Variants in OR4Q3 observed in about 807,000 individuals in gnomAD.
OR4Q3 encodes the protein olfactory receptor family 4 subfamily Q member 3, also known as olfactory receptor 4Q3.
In OR4Q3, 17 loss-of-function variants were observed where a neutral mutation model predicts 18.8. That is an observed-to-expected ratio of 0.91 (90% CI 0.62 to 1.36). OR4Q3 has a LOEUF of 1.36. Among genes scored for constraint, OR4Q3 ranks in the 40% most tolerant of loss-of-function variants. The pLI is 0.00. For missense variants in OR4Q3, 378 were observed against 373.4 expected (o/e 1.01, Z -0.10); for synonymous variants, 158 against 145.8 (o/e 1.08, Z -0.60).
At position 19,747,810 on chromosome 14, in the gene OR4Q3, G is replaced by A; in HGVS notation, c.407G>A (p.Cys136Tyr). 7.4e-6 allele frequency: 12 copies of A among 1,614,046 alleles called. No homozygotes were observed. The East Asian group carries it at 2.2e-4, about 30-fold the overall frequency. ...GCCTATGACAGGTATGTTGCCATCT[G>A]TAACCCTTTGCGCTACCTTACAGTC... is the stretch of plus-strand genomic sequence containing the variant. Residue 136 changes from cysteine to tyrosine, a missense_variant, in exon 2 of 2, where the codon TGT (cysteine) becomes TAT (tyrosine). Transcript: ENST00000642117.
chr14:19,749,634 A>AAAAAAAAAAAAAAAAAAAAAAAAAAAT, downstream of OR4Q3, among the ~76,000 whole-genome samples: 1 of 121,924 alleles, frequency 8.2e-6, no homozygotes, highest in African/African-American at 2.8e-5. Flanking sequence ...AAAAAAAAAA[A>AAAAAAAAAAAAAAAAAAAAAAAAAAAT]GAAAGCAAGC....
chr14:19,749,640 C>CAAAA, downstream of OR4Q3, among the ~76,000 whole-genome samples: 20 of 107,514 alleles, frequency 1.9e-4, no homozygotes, highest in East Asian at 7.9e-4. Flanking sequence ...AAAAAGAAAG[C>CAAAA]AAGCTAATAA....
At chr14:19,744,298 T>C (rs900790446) in intron 1 of OR4Q3, among the ~76,000 whole-genome samples, 26 of 151,504 alleles carry the variant, frequency 1.7e-4, no homozygotes, top group African/African-American at 5.8e-4. Flanking sequence ...TTTTCTATTG[T>C]TGAGGTAGTC....
At chr14:19,745,788 A>C in intron 1 of OR4Q3, among the ~76,000 whole-genome samples, 2 of 152,222 alleles carry the variant, frequency 1.3e-5, no homozygotes, top group Non-Finnish European at 1.5e-5. Context: ...GAGGCTGTAC[A>C]TGTAACAGCA....
intron 1 of OR4Q3, among the ~76,000 whole-genome samples, chr14:19,745,421 A>C: frequency 6.6e-6 from 1 of 152,190 alleles, no homozygotes; most frequent in Non-Finnish European, 1.5e-5. Flanking sequence ...AAACAAGTGT[A>C]CCATACACCT....
exon 2 of OR4Q3, chr14:19,748,032 C>A: frequency 6.2e-7 from 1 of 1,614,014 alleles, no homozygotes; most frequent in Non-Finnish European, 8.5e-7. Flanking sequence ...CTGGTGATAG[C>A]CAACAGTGGT....
exon 2 of OR4Q3, chr14:19,747,447 C>G: frequency 6.2e-7 from 1 of 1,605,884 alleles, no homozygotes; most frequent in Non-Finnish European, 8.5e-7. Context: ...GAACAAGATT[C>G]TAATGTGACA....
At chr14:19,746,715 C>T in intron 1 of OR4Q3, among the ~76,000 whole-genome samples, 1 of 152,222 alleles carries the variant, frequency 6.6e-6, no homozygotes, top group Non-Finnish European at 1.5e-5. Flanking sequence ...AGCTCTGTTT[C>T]AATCCTTCCT....
At chr14:19,749,767 T>A, downstream of OR4Q3, among the ~76,000 whole-genome samples, 23 of 145,656 alleles carry the variant, frequency 1.6e-4, no homozygotes, top group African/African-American at 5.5e-4. Context: ...TTTCTCTCTT[T>A]TTCTCTTTTT....
At chr14:19,751,962 A>G, downstream of OR4Q3, among the ~76,000 whole-genome samples, 1 of 152,190 alleles carries the variant, frequency 6.6e-6, no homozygotes, top group Non-Finnish European at 1.5e-5. Context: ...TAATTCCTTG[A>G]GGTGCAAAGT....
Position 19,747,482 on chromosome 14 carries a change from T to C in OR4Q3, c.79T>C (p.Ser27Pro). ...AGAATTTGTTCTTCTGGGCCTATCA[T>C]CTTCTTGGGAGCTGCAGCTATTTCT... is the stretch of plus-strand genomic sequence containing the variant. Residue 27 changes from serine to proline, a missense_variant, in exon 2 of 2, where the codon TCT becomes CCT. Ser to Pro is a moderately conservative substitution (Grantham distance 74). Coordinates refer to ENST00000642117, the Ensembl canonical transcript of OR4Q3. 3.7e-6 allele frequency: 6 copies of C among 1,613,130 alleles called. No individual in the cohort carries two copies. The South Asian group carries it at 6.6e-5, about 18-fold the overall frequency.
chr14:19,748,452 T>C, exon 2 of OR4Q3: 1 of 987,446 alleles, frequency 1.0e-6, no homozygotes, highest in Non-Finnish European at 1.5e-6. Flanking sequence ...TAAAAACCAC[T>C]TTGATGACGT....
intron 1 of OR4Q3, among the ~76,000 whole-genome samples, chr14:19,744,506 C>T (rs1004539157): frequency 6.6e-6 from 1 of 152,188 alleles, no homozygotes; most frequent in African/African-American, 2.4e-5. Flanking sequence ...GAGAGACCAG[C>T]TGCTTAGCTG....
At chr14:19,745,665 A>C in intron 1 of OR4Q3, among the ~76,000 whole-genome samples, 1 of 152,196 alleles carries the variant, frequency 6.6e-6, no homozygotes, top group Admixed American at 6.6e-5. Flanking sequence ...CCTGTTAATT[A>C]TACATTTTAG....
At chr14:19,749,349 A>T in exon 2 of OR4Q3, 1 of 152,484 alleles carries the variant, frequency 6.6e-6, no homozygotes. Flanking sequence ...TTGTAATCCC[A>T]GCACTTTGGG....
downstream of OR4Q3, among the ~76,000 whole-genome samples, chr14:19,750,875 G>T: frequency 6.6e-6 from 1 of 152,194 alleles, no homozygotes; most frequent in Non-Finnish European, 1.5e-5. Context: ...AGGGTTTTTT[G>T]CATACGATGA....
chr14:19,748,749 A>T, exon 2 of OR4Q3: 1 of 195,302 alleles, frequency 5.1e-6, no homozygotes, highest in Non-Finnish European at 1.1e-5. Context: ...TTCCTCCAGC[A>T]TTTAATGATT....
At chr14:19,747,870 C>A in exon 2 of OR4Q3, 1 of 1,613,900 alleles carries the variant, frequency 6.2e-7, no homozygotes, top group Admixed American at 1.7e-5. Flanking sequence ...TTGGTTCTTG[C>A]CTGCTGGTGT....
intron 1 of OR4Q3, among the ~76,000 whole-genome samples, chr14:19,745,374 T>C: frequency 6.6e-6 from 1 of 152,202 alleles, no homozygotes; most frequent in East Asian, 1.9e-4. Flanking sequence ...TCTGTTTTAG[T>C]ATAATCTTTT....
Sources: gnomAD v4.1 joint callset for allele counts (sites outside exome capture counted in the v4.1 genomes callset) on GRCh38, gnomAD v4.1.1 for gene constraint, MANE v1.5 for transcripts, NCBI Gene and HGNC (gene_info 2026-07-23, HGNC 2026-07-21) for gene names.